Variants in RALGAPA2 observed in about 807,000 individuals in gnomAD.
RALGAPA2 encodes ral GTPase-activating protein subunit alpha-2.
RALGAPA2 carries 139 observed loss-of-function variants against 230.4 expected under a neutral mutation model. The ratio of observed to expected loss-of-function variants is 0.60; its 90% CI spans 0.53 to 0.69. The LOEUF (loss-of-function observed/expected upper bound fraction) is 0.69. RALGAPA2 is among the 30% of genes least tolerant of loss of function. The pLI is 0.00. For missense variants in RALGAPA2, 2,163 were observed against 2,276.0 expected, an observed-to-expected ratio of 0.95 and a Z score of 1.01; for synonymous variants, 847 against 837.8, an observed-to-expected ratio of 1.01 and a Z score of -0.19.
intron 3 of RALGAPA2, among the ~76,000 whole-genome samples, chr20:20,662,236 G>A (rs2067805091): frequency 6.6e-6 from 1 of 151,820 alleles, no homozygotes; most frequent in Non-Finnish European, 1.5e-5. Flanking sequence ...CAATACACTG[G>A]GAGTCCACCA....
At chr20:20,689,386 G>C (rs184079457) in intron 1 of RALGAPA2, among the ~76,000 whole-genome samples, 1 of 152,222 alleles carries the variant, frequency 6.6e-6, no homozygotes, top group Non-Finnish European at 1.5e-5. Context: ...GCTCACGCCT[G>C]TAATCCCAGC....
At chr20:20,700,033 A>T (rs1262032430) in intron 1 of RALGAPA2, among the ~76,000 whole-genome samples, 2 of 152,192 alleles carry the variant, frequency 1.3e-5, no homozygotes. Context: ...TGCGATTCAC[A>T]ACAGAAAAAC....
chr20:20,641,548 A>G (rs2067030775), intron 5 of RALGAPA2, among the ~76,000 whole-genome samples: 1 of 152,286 alleles, frequency 6.6e-6, no homozygotes, highest in Non-Finnish European at 1.5e-5. Context: ...GGAGACATCT[A>G]CATAGGGAGA....
At chr20:20,500,750 T>C (rs1489724203) in intron 35 of RALGAPA2, among the ~76,000 whole-genome samples, 1 of 152,210 alleles carries the variant, frequency 6.6e-6, no homozygotes, top group African/African-American at 2.4e-5. Flanking sequence ...CAATGGTCTT[T>C]GCCAGATCCA....
At chr20:20,516,547 G>A (rs970210137) in intron 31 of RALGAPA2, among the ~76,000 whole-genome samples, 1 of 152,206 alleles carries the variant, frequency 6.6e-6, no homozygotes, top group Admixed American at 6.5e-5. Flanking sequence ...GCCTGTCGAA[G>A]TTAAAGTTAA....
chr20:20,683,409 T>C (rs1220114952), intron 1 of RALGAPA2, among the ~76,000 whole-genome samples: 1 of 152,186 alleles, frequency 6.6e-6, no homozygotes, highest in Non-Finnish European at 1.5e-5. Flanking sequence ...CTCTTTACCA[T>C]GGCCGGGCAA....
chr20:20,439,562 C>G (rs1046009757), intron 37 of RALGAPA2, among the ~76,000 whole-genome samples: 1 of 152,140 alleles, frequency 6.6e-6, no homozygotes, highest in Admixed American at 6.5e-5. Context: ...AAATACCCAA[C>G]AGGAAACATT....
chr20:20,457,891 A>G (rs1319976503), intron 37 of RALGAPA2, among the ~76,000 whole-genome samples: 1 of 152,198 alleles, frequency 6.6e-6, no homozygotes, highest in Non-Finnish European at 1.5e-5. Flanking sequence ...GGGCCAAGGG[A>G]ACATGCCACG....
chr20:20,493,342 T>C (rs2062113585), intron 36 of RALGAPA2, among the ~76,000 whole-genome samples: 2 of 152,208 alleles, frequency 1.3e-5, no homozygotes, highest in Admixed American at 1.3e-4. Flanking sequence ...ATTCTCTTCT[T>C]CCCTTTAGGC....
chr20:20,650,186 G>A (rs1007171285), intron 4 of RALGAPA2, among the ~76,000 whole-genome samples: 12 of 152,120 alleles, frequency 7.9e-5, no homozygotes, highest in East Asian at 3.9e-4. Context: ...CTCATTCAAC[G>A]ATTTAAAGCA....
intron 39 of RALGAPA2, among the ~76,000 whole-genome samples, chr20:20,393,696 T>G (rs925897047): frequency 2.6e-5 from 4 of 152,240 alleles, no homozygotes. Context: ...TTCTACACAA[T>G]GAGTTACAAC....
intron 1 of RALGAPA2, among the ~76,000 whole-genome samples, chr20:20,689,850 G>C (rs1328443997): frequency 6.6e-6 from 1 of 152,146 alleles, no homozygotes; most frequent in Non-Finnish European, 1.5e-5. Flanking sequence ...CAGGGCAGAG[G>C]TTCCCTCAGT....
chr20:20,671,570 G>C (rs1477564803), intron 3 of RALGAPA2, among the ~76,000 whole-genome samples: 1 of 152,120 alleles, frequency 6.6e-6, no homozygotes, highest in African/African-American at 2.4e-5. Context: ...ACCTTCTAAA[G>C]CCAGAGACAG....
chr20:20,603,222 C>G (rs1009063001), intron 15 of RALGAPA2, among the ~76,000 whole-genome samples: 2 of 152,226 alleles, frequency 1.3e-5, no homozygotes, highest in African/African-American at 2.4e-5. Flanking sequence ...TTGCATTAGA[C>G]AGTCTAAATC....
Position 20,653,195 on chromosome 20 carries a change from C to CAAAAAAAAAAAAAAAAAAAAAA in RALGAPA2, c.328+313_328+334dup, listed in dbSNP as rs60906434. 2.2e-4 allele frequency among the ~76,000 whole-genome samples: 6 copies of CAAAAAAAAAAAAAAAAAAAAAA among 27,528 alleles called. 1 individual carries two copies. Among genetic ancestry groups the CAAAAAAAAAAAAAAAAAAAAAA allele is most frequent in the Non-Finnish European group, 3.1e-4 (4 of 13,036 alleles). 18.1% of individuals were successfully genotyped at this position (27,528 alleles called of 152,430 possible). A position where few individuals can be genotyped will look rare whatever the true frequency, so the allele number is the denominator to read the frequency against. On this transcript the variant is annotated intron_variant, in intron 4 of 39. Coordinates refer to ENST00000202677, the MANE Select transcript of RALGAPA2 (RefSeq NM_020343.4). ...TAGGCGACAGAGCAAGACTCCATCT[C>CAAAAAAAAAAAAAAAAAAAAAA]AAAAAAAAAAAAAAAAAAAAAAAAA...
At chr20:20,443,758 G>A (rs2060796321) in intron 37 of RALGAPA2, among the ~76,000 whole-genome samples, 1 of 152,236 alleles carries the variant, frequency 6.6e-6, no homozygotes, top group Non-Finnish European at 1.5e-5. Flanking sequence ...TGAACACAGT[G>A]GTGCCCACAT....
intron 37 of RALGAPA2, among the ~76,000 whole-genome samples, chr20:20,463,141 T>C (rs558737809): frequency 6.7e-4 from 102 of 152,180 alleles, no homozygotes; most frequent in Non-Finnish European, 1.2e-3. Context: ...TTTTTTTTTT[T>C]TGTTAAAGAA....
chr20:20,423,237 A>T lies in RALGAPA2; in HGVS notation c.5496-11089T>A, dbSNP rs368190609. 3.9e-5 allele frequency among the ~76,000 whole-genome samples: 6 copies of T among 152,294 alleles called. No homozygotes were observed. The East Asian group carries it at 7.7e-4, about 20-fold the overall frequency. Reference sequence around the variant, plus strand: ...TGAGTGGAGGAGTCTGAAGAGCCCAAGGGATTCCTGGGGGACAACTTCAGG... The same window carrying T: ...TGAGTGGAGGAGTCTGAAGAGCCCATGGGATTCCTGGGGGACAACTTCAGG... On this transcript the variant is annotated intron_variant, in intron 37 of 39. Coordinates refer to ENST00000202677, the MANE Select transcript of RALGAPA2 (RefSeq NM_020343.4).
At chr20:20,668,889 G>A (rs919388865) in intron 3 of RALGAPA2, among the ~76,000 whole-genome samples, 12 of 152,168 alleles carry the variant, frequency 7.9e-5, no homozygotes, top group Admixed American at 6.5e-5. Flanking sequence ...AAAATATGAA[G>A]AAGAGCTACA....
Sources: gnomAD v4.1 joint callset for allele counts (sites outside exome capture counted in the v4.1 genomes callset) on GRCh38, gnomAD v4.1.1 for gene constraint, MANE v1.5 for transcripts, NCBI Gene and HGNC (gene_info 2026-07-23, HGNC 2026-07-21) for gene names.